Variants in NRCAM observed in about 807,000 individuals in gnomAD.
The protein encoded by NRCAM is NgCAM-related cell adhesion molecule.
NRCAM carries 83 observed loss-of-function variants against 156.5 expected under a neutral mutation model. The ratio of observed to expected loss-of-function variants is 0.53; its 90% CI spans 0.44 to 0.64. The LOEUF is 0.64. Ranked by LOEUF, NRCAM falls within the 30% of genes least tolerant of loss-of-function variation. The pLI, the probability that NRCAM is intolerant of heterozygous loss-of-function variation, is 0.00. For synonymous variants in NRCAM, 538 were observed against 563.9 expected (o/e 0.95, Z 0.65); for missense variants, 1,417 against 1,597.3 (o/e 0.89, Z 1.92).
Position 108,234,647 on chromosome 7 carries a change from A to T in NRCAM, c.166T>A (p.Tyr56Asn). 1.2e-6 allele frequency: 2 copies of T among 1,613,286 alleles called. No individual in the cohort carries two copies. Among genetic ancestry groups the T allele is most frequent in the Non-Finnish European group, 1.7e-6 (2 of 1,179,398 alleles). The change falls in exon 6 of 33, where the codon TAC (tyrosine) becomes AAC (asparagine). Residue 56 changes from tyrosine to asparagine, a missense_variant. Physicochemically the swap from Tyr to Asn is moderately radical, Grantham distance 143. Coordinates refer to ENST00000379028, the MANE Select transcript of NRCAM (RefSeq NM_001037132.4). Reference sequence around the variant, plus strand: ...ATATTCTCCCGAGGGTCAATAATGTAATCTTTTGGAGACTGTTGGGTGATG... The same window carrying T: ...ATATTCTCCCGAGGGTCAATAATGTTATCTTTTGGAGACTGTTGGGTGATG... ...PTITQQSPKD[Y>N]IIDPRENIVI...
intron 3 of NRCAM, among the ~76,000 whole-genome samples, chr7:108,268,947 C>G (rs899842921): frequency 2.0e-5 from 3 of 152,118 alleles, no homozygotes; most frequent in Non-Finnish European, 2.9e-5. Flanking sequence ...ATGACCTTAT[C>G]AAGTACTATT....
chr7:108,341,397 C>T (rs1190432976), intron 2 of NRCAM, among the ~76,000 whole-genome samples: 4 of 152,284 alleles, frequency 2.6e-5, no homozygotes, highest in South Asian at 2.1e-4. Flanking sequence ...TGTCACTATC[C>T]GAGGGGTCCT....
intron 25 of NRCAM, 76 bp downstream of exon 25, chr7:108,180,147 T>C (rs2062695390): frequency 4.0e-6 from 5 of 1,261,872 alleles, no homozygotes; most frequent in Admixed American, 3.7e-5. Context: ...CTTTGATCAG[T>C]AGCCCTTCTG....
chr7:108,308,482 G>C (rs1353509029), intron 3 of NRCAM, among the ~76,000 whole-genome samples: 1 of 152,156 alleles, frequency 6.6e-6, no homozygotes, highest in Non-Finnish European at 1.5e-5. Context: ...GAGTGACTCA[G>C]GCAGTTTTTT....
At chr7:108,423,070 G>A (rs953016180) in intron 1 of NRCAM, among the ~76,000 whole-genome samples, 2 of 152,078 alleles carry the variant, frequency 1.3e-5, no homozygotes, top group Admixed American at 1.3e-4. Flanking sequence ...AGAGAAGGGA[G>A]GGGGATATAG....
intron 10 of NRCAM, among the ~76,000 whole-genome samples, chr7:108,225,013 T>C (rs964470137): frequency 2.0e-5 from 3 of 152,180 alleles, no homozygotes; most frequent in African/African-American, 4.8e-5. Context: ...CCCATTATTT[T>C]CATTCATAGA....
intron 2 of NRCAM, among the ~76,000 whole-genome samples, chr7:108,326,430 C>T (rs1269487956): frequency 6.6e-6 from 1 of 152,126 alleles, no homozygotes; most frequent in East Asian, 1.9e-4. Flanking sequence ...AAAAGCATTC[C>T]AATTTTCACT....
In NRCAM at chr7:108,240,119, A is replaced by G; in HGVS notation, c.-55T>C. ...TGAATTTCCTTTTCTTCTTTCACAA[A>G]AGATTTTGTGAAACGTTGTGTGCAA... On this transcript the variant is annotated 5_prime_UTR_variant, in exon 4 of 33. Coordinates refer to ENST00000379028, the MANE Select transcript of NRCAM (RefSeq NM_001037132.4). 1 of 1,307,166 alleles carries G rather than the reference A, an allele frequency of 7.7e-7. No individual in the cohort carries two copies. Among genetic ancestry groups the G allele is most frequent in the South Asian group, 1.2e-5 (1 of 81,472 alleles). 81.0% of individuals were successfully genotyped at this position (1,307,166 alleles called of 1,614,324 possible). A position where few individuals can be genotyped will look rare whatever the true frequency, so the allele number is the denominator to read the frequency against.
At chr7:108,266,906 C>CACTTACAA (rs113774934) in intron 3 of NRCAM, among the ~76,000 whole-genome samples, 1 of 151,794 alleles carries the variant, frequency 6.6e-6, no homozygotes, top group Non-Finnish European at 1.5e-5. Flanking sequence ...GATTTTACCC[C>CACTTACAA]GCTAACAAGT....
At chr7:108,226,700 T>C (rs1314168032) in intron 8 of NRCAM, among the ~76,000 whole-genome samples, 2 of 152,222 alleles carry the variant, frequency 1.3e-5, no homozygotes, top group African/African-American at 2.4e-5. Context: ...CTTTTCCTAA[T>C]ATCTGAGTCC....
intron 28 of NRCAM, among the ~76,000 whole-genome samples, chr7:108,171,196 C>T (rs2058254916): frequency 6.6e-6 from 1 of 152,180 alleles, no homozygotes; most frequent in Non-Finnish European, 1.5e-5. Context: ...CGGACTGCTT[C>T]CGGTGTGCCT....
chr7:108,322,153 CG>C (rs1385532685), intron 2 of NRCAM, among the ~76,000 whole-genome samples: 2 of 150,214 alleles, frequency 1.3e-5, no homozygotes, highest in East Asian at 2.0e-4. Context: ...CTAGACATTT[CG>C]TTTTTTTTCA....
At chr7:108,378,124 G>A (rs1050129872) in intron 2 of NRCAM, among the ~76,000 whole-genome samples, 1 of 152,192 alleles carries the variant, frequency 6.6e-6, no homozygotes, top group Middle Eastern at 3.4e-3. Context: ...TCATGAGAAA[G>A]AACCAGCAGA....
intron 14 of NRCAM, among the ~76,000 whole-genome samples, chr7:108,197,302 G>A (rs545720591): frequency 3.9e-5 from 6 of 152,112 alleles, no homozygotes; most frequent in Non-Finnish European, 7.4e-5. Flanking sequence ...ACCAAGTATT[G>A]GTTGGCTTAC....
intron 12 of NRCAM, among the ~76,000 whole-genome samples, chr7:108,208,073 C>G (rs1379733266): frequency 6.6e-6 from 1 of 151,212 alleles, no homozygotes; most frequent in Non-Finnish European, 1.5e-5. Context: ...GTGGCTGGAT[C>G]ACTTGAGGTC....
At chr7:108,283,723 G>T (rs1473938199) in intron 3 of NRCAM, among the ~76,000 whole-genome samples, 1 of 152,118 alleles carries the variant, frequency 6.6e-6, no homozygotes, top group Non-Finnish European at 1.5e-5. Flanking sequence ...TCTTTTCAGT[G>T]TTCCACTCCC....
At chr7:108,315,502 C>T (rs1554500931) in intron 2 of NRCAM, among the ~76,000 whole-genome samples, 1 of 152,116 alleles carries the variant, frequency 6.6e-6, no homozygotes, top group Non-Finnish European at 1.5e-5. Context: ...AAATACATTC[C>T]AAAAAACAGA....
intron 2 of NRCAM, among the ~76,000 whole-genome samples, chr7:108,391,711 G>A (rs996418409): frequency 2.0e-5 from 3 of 152,146 alleles, no homozygotes; most frequent in African/African-American, 7.2e-5. Context: ...AGTGGCTGGT[G>A]CCGGTTATTC....
chr7:108,348,820 G>A (rs2099389091), intron 2 of NRCAM, among the ~76,000 whole-genome samples: 1 of 150,990 alleles, frequency 6.6e-6, no homozygotes, highest in Admixed American at 6.6e-5. Flanking sequence ...AGAATCACTG[G>A]AAAACCCAGG....
Sources: allele counts gnomAD v4.1 joint callset (sites outside exome capture counted in the v4.1 genomes callset), GRCh38; gene constraint gnomAD v4.1.1; transcripts MANE v1.5; gene names NCBI Gene and HGNC (gene_info 2026-07-23, HGNC 2026-07-21).